The following BCL7A variants were observed in gnomAD, a reference collection of about 807,000 sequenced individuals.
The protein encoded by BCL7A is BAF chromatin remodeling complex subunit BCL7A.
In BCL7A, 11 loss-of-function variants were observed where a neutral mutation model predicts 28.4. The ratio of observed to expected loss-of-function variants is 0.39; its 90% CI spans 0.24 to 0.64. The LOEUF (loss-of-function observed/expected upper bound fraction) is 0.64. BCL7A is among the 30% of genes least tolerant of loss of function. BCL7A has a pLI of 0.50. For missense variants in BCL7A, 222 were observed against 274.8 expected, an observed-to-expected ratio of 0.81 and a Z score of 1.36; for synonymous variants, 123 against 103.3, an observed-to-expected ratio of 1.19 and a Z score of -1.15.
At chr12:122,024,635 C>G (rs1036783322) in intron 1 of BCL7A, among the ~76,000 whole-genome samples, 1 of 152,126 alleles carries the variant, frequency 6.6e-6, no homozygotes, top group Non-Finnish European at 1.5e-5. Flanking sequence ...CCATGCATTT[C>G]ACCACTGGTG....
At chr12:122,058,738 G>A (rs1226240665) in intron 5 of BCL7A, among the ~76,000 whole-genome samples, 1 of 152,186 alleles carries the variant, frequency 6.6e-6, no homozygotes, top group Non-Finnish European at 1.5e-5. Flanking sequence ...TCATAGATGG[G>A]AAGATTGATA....
intron 4 of BCL7A, among the ~76,000 whole-genome samples, chr12:122,051,978 G>A (rs535598643): frequency 2.5e-4 from 37 of 145,986 alleles, no homozygotes; most frequent in African/African-American, 8.9e-4. Flanking sequence ...GGGGTCAAGC[G>A]ATTCTCCTGC....
At chr12:122,030,899 G>C (rs1883729113) in intron 2 of BCL7A, 118 bp downstream of exon 2, 1 of 996,904 alleles carries the variant, frequency 1.0e-6, no homozygotes, top group African/African-American at 1.6e-5. Flanking sequence ...AAGAGCCCCT[G>C]GGAGTAGAAG....
At chr12:122,038,692 G>T (rs538513293) in intron 3 of BCL7A, among the ~76,000 whole-genome samples, 5 of 152,150 alleles carry the variant, frequency 3.3e-5, no homozygotes, top group Admixed American at 1.3e-4. Context: ...GGGCCTTTTC[G>T]AGCTGAGGCC....
At chr12:122,043,742 A>G in intron 3 of BCL7A, 144 bp from the exon 4 acceptor site, 6 of 884,904 alleles carry the variant, frequency 6.8e-6, no homozygotes, top group Non-Finnish European at 9.9e-6. Context: ...TCTCAAAAAA[A>G]AAAAAAACGG....
In BCL7A at chr12:122,035,405, C is replaced by G; in HGVS notation, c.249C>G (p.Ser83=). ...SEVTTPENSS[S]PGMMDMHDDN... is the part of the protein sequence containing the mutation. ...TGACCACTCCGGAGAACAGTTCCTC[C>G]CCAGGGATGATGGACATGCATGGTG... The change falls in exon 3 of 6, where the codon TCC becomes TCG. Residue 83 remains serine, a synonymous_variant. Transcript: ENST00000261822. The G allele has an allele frequency of 6.2e-7, 1 of 1,614,122 alleles. No individual in the cohort carries two copies. The highest frequency in any genetic ancestry group is 1.1e-5 in the South Asian group (1 of 91,084).
chr12:122,030,618 G>C, intron 1 of BCL7A, 82 bp from the exon 2 acceptor site: 1 of 1,293,062 alleles, frequency 7.7e-7, no homozygotes, highest in Non-Finnish European at 1.1e-6. Context: ...TCTGGAGCTT[G>C]CTCTCAGCCC....
chr12:122,054,234 G>A (rs1190846565), intron 4 of BCL7A, among the ~76,000 whole-genome samples: 4 of 151,850 alleles, frequency 2.6e-5, no homozygotes, highest in South Asian at 2.1e-4. Flanking sequence ...ACAGGCGCCC[G>A]CCGCCACCAC....
At chr12:122,025,148 T>C (rs2135837232) in intron 1 of BCL7A, among the ~76,000 whole-genome samples, 1 of 152,162 alleles carries the variant, frequency 6.6e-6, no homozygotes, top group African/African-American at 2.4e-5. Flanking sequence ...GGCCCTGTGC[T>C]GGTGGAGGAG....
chr12:122,053,292 G>A (rs1286770393), intron 4 of BCL7A, among the ~76,000 whole-genome samples: 1 of 152,194 alleles, frequency 6.6e-6, no homozygotes. Context: ...CGCCGCGCCC[G>A]GCCAGGGCTC....
At chr12:122,053,092 G>A (rs1268332178) in intron 4 of BCL7A, among the ~76,000 whole-genome samples, 1 of 151,952 alleles carries the variant, frequency 6.6e-6, no homozygotes, top group African/African-American at 2.4e-5. Context: ...GTGGTCCTGG[G>A]TTCAAACGAT....
chr12:122,030,910 G>A, intron 2 of BCL7A, 129 bp downstream of exon 2: 1 of 909,670 alleles, frequency 1.1e-6, no homozygotes, highest in Admixed American at 2.2e-5. Context: ...GGAGTAGAAG[G>A]ACCCAGATTA....
At chr12:122,056,531 T>C (rs1951879425) in intron 5 of BCL7A, among the ~76,000 whole-genome samples, 2 of 152,198 alleles carry the variant, frequency 1.3e-5, no homozygotes, top group Admixed American at 6.5e-5. Context: ...CCGGGTGCAG[T>C]GGCTCACATT....
chr12:122,038,899 G>T (rs1883910342), intron 3 of BCL7A, among the ~76,000 whole-genome samples: 1 of 152,088 alleles, frequency 6.6e-6, no homozygotes, highest in South Asian at 2.1e-4. Flanking sequence ...ATGGGACCAA[G>T]CACAGTGGCT....
chr12:122,026,801 G>T lies in BCL7A; in HGVS notation c.93-3899G>T, dbSNP rs752868046. Among the ~76,000 whole-genome samples the T allele has an allele frequency of 2.6e-5, 4 of 152,298 alleles. No individual in the cohort carries two copies. In the South Asian group the frequency reaches 8.3e-4, roughly 32 times the overall value. ...GTCAGCAGGGTCCCCTTGAGTGGTGGGTAACCCTAAGATGGTCTTGTTGGC... is the reference window on the plus strand; with the variant it reads ...GTCAGCAGGGTCCCCTTGAGTGGTGTGTAACCCTAAGATGGTCTTGTTGGC... On this transcript the variant is annotated intron_variant, in intron 1 of 5. Coordinates refer to ENST00000261822, the MANE Select transcript of BCL7A (RefSeq NM_001024808.3).
intron 3 of BCL7A, among the ~76,000 whole-genome samples, chr12:122,039,849 A>T (rs1883932947): frequency 6.9e-6 from 1 of 144,900 alleles, no homozygotes. Context: ...AAGACTCCAT[A>T]AAAAAAAAAA....
intron 4 of BCL7A, among the ~76,000 whole-genome samples, chr12:122,048,517 G>A (rs1268313512): frequency 5.9e-5 from 9 of 152,166 alleles, no homozygotes; most frequent in Admixed American, 5.2e-4. Context: ...TTGGGAGGTC[G>A]AGGTGGGTGA....
intron 2 of BCL7A, among the ~76,000 whole-genome samples, chr12:122,035,074 T>A (rs1883822645): frequency 6.6e-6 from 1 of 152,162 alleles, no homozygotes; most frequent in Admixed American, 6.5e-5. Flanking sequence ...GCAGGCTTAT[T>A]TTCCAGGGTG....
chr12:122,046,485 C>T (rs1404187522), intron 4 of BCL7A, among the ~76,000 whole-genome samples: 3 of 152,132 alleles, frequency 2.0e-5, no homozygotes, highest in Non-Finnish European at 2.9e-5. Flanking sequence ...TCTGGGCTGG[C>T]GCCAGGGCCC....
Sources: gnomAD v4.1 joint callset for allele counts (sites outside exome capture counted in the v4.1 genomes callset) on GRCh38, gnomAD v4.1.1 for gene constraint, MANE v1.5 for transcripts, NCBI Gene and HGNC (gene_info 2026-07-23, HGNC 2026-07-21) for gene names.